NEGR1: variants seen among roughly 807,000 people sequenced by gnomAD.
NEGR1 encodes IgLON family member 4.
In NEGR1, 10 loss-of-function variants were observed where a neutral mutation model predicts 40.9. The observed-to-expected ratio is 0.24, with a 90% CI of 0.15 to 0.42. The LOEUF is 0.42. Among genes scored for constraint, NEGR1 ranks in the 10% least tolerant of loss-of-function variants. The pLI is 1.00. For synonymous variants in NEGR1, 185 were observed against 166.8 expected (o/e 1.11, Z -0.84); for missense variants, 352 against 438.9 (o/e 0.80, Z 1.77).
At chr1:71,603,016 GAAAT>G (rs931449828) in intron 5 of NEGR1, among the ~76,000 whole-genome samples, 3 of 152,024 alleles carry the variant, frequency 2.0e-5, no homozygotes, top group East Asian at 1.9e-4. Flanking sequence ...ATAATCAAAT[GAAAT>G]AAATAAAATA....
intron 4 of NEGR1, among the ~76,000 whole-genome samples, chr1:71,655,714 G>A (rs190008968): frequency 6.6e-6 from 1 of 152,264 alleles, no homozygotes; most frequent in Admixed American, 6.5e-5. Context: ...ACCTGTCCTT[G>A]TTCTCACAGA....
At chr1:72,012,079 G>C (rs906741455) in intron 1 of NEGR1, among the ~76,000 whole-genome samples, 2 of 151,994 alleles carry the variant, frequency 1.3e-5, no homozygotes, top group Non-Finnish European at 2.9e-5. Context: ...TGGACAGGTA[G>C]AACAATTATA....
At chr1:71,598,637 G>A (rs566270300) in intron 5 of NEGR1, among the ~76,000 whole-genome samples, 1 of 152,108 alleles carries the variant, frequency 6.6e-6, no homozygotes, top group Non-Finnish European at 1.5e-5. Context: ...CTTCCTCTAG[G>A]TTCACTAAAT....
At chr1:71,913,124 A>T (rs570070490) in intron 2 of NEGR1, among the ~76,000 whole-genome samples, 12 of 152,046 alleles carry the variant, frequency 7.9e-5, no homozygotes, top group Non-Finnish European at 1.5e-4. Flanking sequence ...TAAATTAATT[A>T]ATTAATTCTG....
At chr1:71,425,558 C>T (rs1646423487) in intron 6 of NEGR1, among the ~76,000 whole-genome samples, 2 of 151,988 alleles carry the variant, frequency 1.3e-5, no homozygotes, top group African/African-American at 4.8e-5. Context: ...TCATGCTGAG[C>T]CCTGAATGAG....
rs71074816 is a variant in NEGR1 at position 72,088,796 on chromosome 1, C to CTTTTTTTTTTTTTTTTTTTTT, written c.177-153506_177-153486dup. 4.3e-4 allele frequency among the ~76,000 whole-genome samples: 32 copies of CTTTTTTTTTTTTTTTTTTTTT among 74,906 alleles called. 1 individual carries two copies. Among genetic ancestry groups the CTTTTTTTTTTTTTTTTTTTTT allele is most frequent in the South Asian group, 6.5e-4 (1 of 1,538 alleles). 49.1% of individuals were successfully genotyped at this position (74,906 alleles called of 152,430 possible). On this transcript the variant is annotated intron_variant, in intron 1 of 6. Transcript: ENST00000357731. ...ATGTATAATGTAGTTCTCTCTCTCT[C>CTTTTTTTTTTTTTTTTTTTTT]TTTTTTTTTTTTTTTTTTTTTTTTT... is the stretch of plus-strand genomic sequence containing the variant.
chr1:71,451,367 C>G (rs1437046732), intron 6 of NEGR1, among the ~76,000 whole-genome samples: 1 of 138,336 alleles, frequency 7.2e-6, no homozygotes, highest in Non-Finnish European at 1.5e-5. Flanking sequence ...AAGTTTTGCT[C>G]TTGTTGCCCG....
intron 2 of NEGR1, among the ~76,000 whole-genome samples, chr1:71,911,446 T>C (rs978467755): frequency 4.6e-5 from 7 of 152,176 alleles, no homozygotes; most frequent in African/African-American, 1.4e-4. Context: ...TTCTCTAAAA[T>C]AGGATTAATA....
intron 3 of NEGR1, among the ~76,000 whole-genome samples, chr1:71,709,837 C>T (rs915416201): frequency 1.5e-4 from 23 of 152,160 alleles, no homozygotes; most frequent in Non-Finnish European, 2.8e-4. Context: ...ACCCTGCAAG[C>T]ACAGGCAACC....
At chr1:71,911,998 C>G (rs1226720840) in intron 2 of NEGR1, among the ~76,000 whole-genome samples, 6 of 151,838 alleles carry the variant, frequency 4.0e-5, no homozygotes, top group Non-Finnish European at 8.8e-5. Flanking sequence ...AAGAATGTAC[C>G]CTGGTGTCTG....
intron 1 of NEGR1, among the ~76,000 whole-genome samples, chr1:72,252,529 C>T (rs1375237620): frequency 6.6e-6 from 1 of 152,200 alleles, no homozygotes; most frequent in Non-Finnish European, 1.5e-5. Context: ...TATTCTAGTA[C>T]ATATCTGTAA....
At chr1:71,491,272 T>A (rs1286609531) in intron 6 of NEGR1, among the ~76,000 whole-genome samples, 1 of 152,058 alleles carries the variant, frequency 6.6e-6, no homozygotes, top group Admixed American at 6.6e-5. Flanking sequence ...ACAGGTTATA[T>A]GGAAATACTA....
At chr1:71,871,489 T>A (rs1397129570) in intron 2 of NEGR1, among the ~76,000 whole-genome samples, 1 of 152,146 alleles carries the variant, frequency 6.6e-6, no homozygotes, top group Non-Finnish European at 1.5e-5. Context: ...TCATGCGGCA[T>A]CCCAGTTGTG....
chr1:71,848,571 G>T (rs1381604977), intron 2 of NEGR1, among the ~76,000 whole-genome samples: 2 of 152,196 alleles, frequency 1.3e-5, no homozygotes, highest in Non-Finnish European at 2.9e-5. Flanking sequence ...TCTGTTTACA[G>T]TATGGTTTAC....
chr1:71,723,830 G>C (rs150798697), intron 3 of NEGR1, among the ~76,000 whole-genome samples: 9 of 152,236 alleles, frequency 5.9e-5, no homozygotes, highest in Admixed American at 5.9e-4. Flanking sequence ...GGTGTGTAAA[G>C]TGGGGGCAGT....
intron 4 of NEGR1, among the ~76,000 whole-genome samples, chr1:71,693,983 A>G (rs757950877): frequency 6.6e-6 from 1 of 151,424 alleles, no homozygotes; most frequent in African/African-American, 2.4e-5. Context: ...CAGCTTTTTG[A>G]TTTTCACTGT....
At chr1:71,705,678 C>T (rs1653864937) in intron 3 of NEGR1, among the ~76,000 whole-genome samples, 2 of 150,934 alleles carry the variant, frequency 1.3e-5, no homozygotes, top group Admixed American at 6.6e-5. Context: ...TGAGATCGCG[C>T]CACTGCACTC....
chr1:71,626,123 A>C (rs1650766188), intron 4 of NEGR1, among the ~76,000 whole-genome samples: 1 of 151,992 alleles, frequency 6.6e-6, no homozygotes, highest in Non-Finnish European at 1.5e-5. Context: ...TGTCTTCCAC[A>C]AAACCACAAA....
intron 1 of NEGR1, among the ~76,000 whole-genome samples, chr1:72,039,418 A>G (rs1006383424): frequency 5.3e-5 from 8 of 151,988 alleles, no homozygotes; most frequent in African/African-American, 1.9e-4. Flanking sequence ...GCTAGTAACA[A>G]TAGACAAGTA....
Sources: gnomAD v4.1 joint callset for allele counts (sites outside exome capture counted in the v4.1 genomes callset) on GRCh38, gnomAD v4.1.1 for gene constraint, MANE v1.5 for transcripts, NCBI Gene and HGNC (gene_info 2026-07-23, HGNC 2026-07-21) for gene names.